The following CBL variants were observed in gnomAD, a reference collection of about 807,000 sequenced individuals.
CBL encodes the protein Cbl proto-oncogene, also known as E3 ubiquitin-protein ligase CBL.
A neutral mutation model predicts 96.9 loss-of-function variants in CBL; 45 were observed. That is an observed-to-expected ratio of 0.46 (90% CI 0.37 to 0.60). The LOEUF (loss-of-function observed/expected upper bound fraction) is 0.60. CBL is among the 20% of genes least tolerant of loss of function. CBL has a pLI of 0.00. For synonymous variants in CBL, 420 were observed against 426.8 expected (o/e 0.98, Z 0.20); for missense variants, 1,024 against 1,143.5 (o/e 0.90, Z 1.51).
intron 1 of CBL, among the ~76,000 whole-genome samples, chr11:119,217,782 A>G (rs1346555624): frequency 1.3e-5 from 2 of 152,072 alleles, no homozygotes; most frequent in South Asian, 2.1e-4. Context: ...TTAAAATACA[A>G]ATTTTTGGCT....
Position 119,307,136 on chromosome 11 carries a change from A to C in CBL, c.*7355A>C. 4.3e-6 allele frequency: 1 copy of C among 232,044 alleles called. No individual in the cohort carries two copies. Among genetic ancestry groups the C allele is most frequent in the Non-Finnish European group, 8.5e-6 (1 of 117,092 alleles). The allele number at this position is 232,044 out of a possible 1,614,324, so 14.4% of individuals were successfully genotyped here. On this transcript the variant is annotated 3_prime_UTR_variant, in exon 16 of 16. Coordinates refer to ENST00000264033, the MANE Select transcript of CBL (RefSeq NM_005188.4). ...TGACATGCAGGTGCAGTGTGTCTGG[A>C]GTCCCTTTCCCCTGCTGTGAGACTT...
chr11:119,293,022 A>G (rs940135346), intron 12 of CBL, among the ~76,000 whole-genome samples: 1 of 152,198 alleles, frequency 6.6e-6, no homozygotes, highest in South Asian at 2.1e-4. Context: ...GTAAAGTTGA[A>G]AAATTGTAAG....
At chr11:119,287,994 A>G (rs1565874997) in intron 12 of CBL, 48 bp downstream of exon 12, 1 of 1,312,472 alleles carries the variant, frequency 7.6e-7, no homozygotes, top group Admixed American at 1.7e-5. Context: ...GTTACTTGTA[A>G]AAAGCTTACT....
intron 2 of CBL, among the ~76,000 whole-genome samples, chr11:119,239,197 C>T (rs1164622214): frequency 1.3e-5 from 2 of 152,114 alleles, no homozygotes; most frequent in African/African-American, 4.8e-5. Flanking sequence ...TCTCAAACTC[C>T]TGGGCTCAAG....
chr11:119,237,972 A>G (rs1949557741), intron 2 of CBL, among the ~76,000 whole-genome samples: 1 of 151,108 alleles, frequency 6.6e-6, no homozygotes, highest in African/African-American at 2.4e-5. Context: ...GCCAGGTTCA[A>G]GCGAGTCTCC....
rs2135319753 is a variant in CBL, at chr11:119,296,901, T to G, written c.2037-17T>G. 1 of 1,270,680 alleles carries G rather than the reference T, an allele frequency of 7.9e-7. No individual in the cohort carries two copies. The highest frequency in any genetic ancestry group is 1.2e-6 in the Non-Finnish European group (1 of 866,512). 78.7% of individuals were successfully genotyped at this position (1,270,680 alleles called of 1,614,324 possible). On this transcript the variant is annotated splice_polypyrimidine_tract_variant and intron_variant, in intron 12 of 15. Coordinates refer to ENST00000264033, the MANE Select transcript of CBL (RefSeq NM_005188.4). ...GTTTGTTACTTCTTTTTCTATTTTT[T>G]ATTCTTCATCTTCCAGACCTCTTCC...
At chr11:119,293,308 G>A (rs900084591) in intron 12 of CBL, among the ~76,000 whole-genome samples, 1 of 151,952 alleles carries the variant, frequency 6.6e-6, no homozygotes, top group African/African-American at 2.4e-5. Flanking sequence ...GGGTTTCACC[G>A]TGTTGGCCAG....
At chr11:119,283,625 CTTTTTTTTTTTTTTTTTTT>C (rs398017760) in intron 9 of CBL, among the ~76,000 whole-genome samples, 1 of 45,512 alleles carries the variant, frequency 2.2e-5, no homozygotes, top group Non-Finnish European at 4.1e-5. Context: ...TTAATTCTTT[CTTTTTTTTTTTTTTTTTTT>C]TTTTTTTTTT....
In CBL at chr11:119,307,291, C is replaced by T; in HGVS notation, c.*7510C>T. The T allele has an allele frequency of 4.3e-6, 1 of 232,878 alleles. No individual in the cohort carries two copies. Among genetic ancestry groups the T allele is most frequent in the Non-Finnish European group, 8.5e-6 (1 of 117,534 alleles). 14.4% of individuals were successfully genotyped at this position (232,878 alleles called of 1,614,324 possible). On this transcript the variant is annotated 3_prime_UTR_variant, in exon 16 of 16. Coordinates refer to ENST00000264033, the MANE Select transcript of CBL (RefSeq NM_005188.4). ...TCACAATTCCCAGGTAAACTCTGGA[C>T]CATTCCAAGTGTCCTAGCCTTCTGA...
intron 2 of CBL, among the ~76,000 whole-genome samples, chr11:119,234,307 G>C (rs1949526172): frequency 6.6e-6 from 1 of 152,092 alleles, no homozygotes; most frequent in African/African-American, 2.4e-5. Context: ...CAGCTGGCCT[G>C]TCCATCTTTT....
At chr11:119,210,659 G>C (rs1229095042) in intron 1 of CBL, among the ~76,000 whole-genome samples, 1 of 141,922 alleles carries the variant, frequency 7.0e-6, no homozygotes, top group Non-Finnish European at 1.5e-5. Context: ...ATGTTGGCCA[G>C]GCTGCTCTCG....
intron 3 of CBL, among the ~76,000 whole-genome samples, chr11:119,272,904 ATATT>A (rs1250292953): frequency 6.6e-6 from 1 of 151,714 alleles, no homozygotes; most frequent in Non-Finnish European, 1.5e-5. Flanking sequence ...GTCTCTCTAT[ATATT>A]ATATAGGTTG....
chr11:119,277,241 GCACACACA>G (rs59099916), intron 6 of CBL, among the ~76,000 whole-genome samples: 1 of 146,386 alleles, frequency 6.8e-6, no homozygotes, highest in Non-Finnish European at 1.5e-5. Flanking sequence ...AATCTGTCGC[GCACACACA>G]CACACACACA....
chr11:119,292,171 C>G (rs980893608), intron 12 of CBL, among the ~76,000 whole-genome samples: 6 of 151,980 alleles, frequency 3.9e-5, no homozygotes, highest in African/African-American at 1.4e-4. Flanking sequence ...CTTTTTCAGA[C>G]ACTAACTAGA....
At chr11:119,217,195 G>A (rs753788318) in intron 1 of CBL, among the ~76,000 whole-genome samples, 1 of 152,090 alleles carries the variant, frequency 6.6e-6, no homozygotes, top group African/African-American at 2.4e-5. Context: ...TTGGCTCACT[G>A]CAGCCTCCAC....
chr11:119,211,927 T>A (rs1256138609), intron 1 of CBL, among the ~76,000 whole-genome samples: 1 of 152,144 alleles, frequency 6.6e-6, no homozygotes, highest in Non-Finnish European at 1.5e-5. Context: ...TTATTTTTTT[T>A]ATTATTTTTG....
intron 1 of CBL, among the ~76,000 whole-genome samples, chr11:119,213,612 TG>T (rs1331405882): frequency 2.6e-5 from 4 of 152,232 alleles, no homozygotes; most frequent in African/African-American, 7.2e-5. Flanking sequence ...TTTTTGGTTT[TG>T]TTTTTTTTAA....
chr11:119,245,729 C>CA (rs1410861819), intron 2 of CBL, among the ~76,000 whole-genome samples: 3 of 151,904 alleles, frequency 2.0e-5, no homozygotes, highest in African/African-American at 7.2e-5. Flanking sequence ...AACTCCGTCT[C>CA]AAAAAACAAA....
At chr11:119,216,783 C>T (rs1008632233) in intron 1 of CBL, among the ~76,000 whole-genome samples, 1 of 152,236 alleles carries the variant, frequency 6.6e-6, no homozygotes, top group South Asian at 2.1e-4. Context: ...CCTTTTACCC[C>T]CATACCCCCA....
Sources: gnomAD v4.1 joint callset for allele counts (sites outside exome capture counted in the v4.1 genomes callset) on GRCh38, gnomAD v4.1.1 for gene constraint, MANE v1.5 for transcripts, NCBI Gene and HGNC (gene_info 2026-07-23, HGNC 2026-07-21) for gene names.